FCHO2: variants seen among roughly 807,000 people sequenced by gnomAD.
FCHO2 encodes F-BAR domain only protein 2.
In FCHO2, 43 loss-of-function variants were observed where a neutral mutation model predicts 114.1. The observed-to-expected ratio is 0.38, with a 90% confidence interval of 0.30 to 0.49. FCHO2 has a LOEUF of 0.49. Ranked by LOEUF, FCHO2 falls within the 20% of genes least tolerant of loss-of-function variation. The pLI is 0.97. For missense variants in FCHO2, 807 were observed against 950.4 expected, an observed-to-expected ratio of 0.85 and a Z score of 1.98; for synonymous variants, 293 against 315.2, an observed-to-expected ratio of 0.93 and a Z score of 0.75.
intron 2 of FCHO2, among the ~76,000 whole-genome samples, chr5:72,979,374 A>ATTTTT (rs1753056004): frequency 3.0e-5 from 2 of 66,598 alleles, no homozygotes; most frequent in South Asian, 5.0e-4. Context: ...GAATTTATCA[A>ATTTTT]TTTCTTTTTT....
At chr5:72,967,869 C>T (rs1752287076) in intron 1 of FCHO2, among the ~76,000 whole-genome samples, 2 of 151,768 alleles carry the variant, frequency 1.3e-5, no homozygotes, top group South Asian at 2.1e-4. Flanking sequence ...ATCCGCCTGC[C>T]TCCGCCTCCC....
chr5:73,051,491 TC>T, intron 12 of FCHO2, 85 bp downstream of exon 12: 1 of 747,374 alleles, frequency 1.3e-6, no homozygotes, highest in African/African-American at 1.8e-5. Context: ...TAAAGCCTCT[TC>T]CAATTTTTTA....
At chr5:73,085,131 G>A (rs12153586) in intron 24 of FCHO2, among the ~76,000 whole-genome samples, 45,286 of 151,710 alleles carry the variant, frequency 0.3, 6,973 homozygotes, top group East Asian at 0.44. Flanking sequence ...CAGGTAGATC[G>A]TGAGGTCAAG....
chr5:72,999,549 A>AT (rs749564147), intron 5 of FCHO2, among the ~76,000 whole-genome samples: 4 of 151,884 alleles, frequency 2.6e-5, no homozygotes, highest in Non-Finnish European at 4.4e-5. Context: ...CGCCCAGCTA[A>AT]TTTTTGTATT....
chr5:72,991,073 G>A (rs1753784636), intron 5 of FCHO2, among the ~76,000 whole-genome samples: 1 of 152,118 alleles, frequency 6.6e-6, no homozygotes, highest in Non-Finnish European at 1.5e-5. Flanking sequence ...AAAAAACAAT[G>A]ATTGATTTGA....
chr5:73,055,991 T>C, intron 15 of FCHO2, 74 bp from the exon 16 acceptor site: 1 of 1,016,968 alleles, frequency 9.8e-7, no homozygotes, highest in Non-Finnish European at 1.5e-6. Context: ...GATATGTGTA[T>C]AGAGTTTCTG....
chr5:73,008,191 C>T (rs1187243716), intron 6 of FCHO2, among the ~76,000 whole-genome samples: 1 of 152,136 alleles, frequency 6.6e-6, no homozygotes, highest in African/African-American at 2.4e-5. Flanking sequence ...AACTAGAAGC[C>T]GCCTAAGGGT....
In FCHO2 at chr5:73,087,762, G is replaced by C. The variant is rs1251399027; in HGVS notation, c.2410+9G>C. ...GAAGCGGTTTGCTACTGGTAAGTTA[G>C]GAGATTTCAAACTTTTTAATGTACA... On this transcript the variant is annotated intron_variant, in intron 25 of 25. Coordinates refer to ENST00000430046, the MANE Select transcript of FCHO2 (RefSeq NM_138782.3). 6.4e-7 allele frequency: 1 copy of C among 1,554,280 alleles called. No homozygotes were observed. The highest frequency in any genetic ancestry group is 2.3e-5 in the East Asian group (1 of 44,294).
chr5:73,058,460 G>A lies in FCHO2; in HGVS notation c.1281G>A (p.Trp427Ter). The A allele has an allele frequency of 6.4e-7, 1 of 1,570,678 alleles. No homozygotes were observed. The highest frequency in any genetic ancestry group is 8.6e-7 in the Non-Finnish European group (1 of 1,156,632). Reference protein sequence around the residue: ...NEKGTSDLLAWDPLFGPSLDS... With the variant: ...NEKGTSDLLA ...AAGGAACCAGTGATTTACTTGCTTG[G>A]GACCCCCTATTTGGACCATCTCTTG... Residue 427 changes from tryptophan (W) to a stop codon, truncating the protein, a stop_gained, in exon 17 of 26, where the codon TGG (tryptophan) becomes TGA (stop). Transcript: ENST00000430046. LOFTEE classifies it high-confidence loss of function.
chr5:72,989,862 T>A (rs1309913771), intron 3 of FCHO2, among the ~76,000 whole-genome samples: 1 of 152,086 alleles, frequency 6.6e-6, no homozygotes. Context: ...TCACTTAAGA[T>A]AAACTTTATT....
At chr5:73,043,147 G>T (rs1000563278) in intron 11 of FCHO2, among the ~76,000 whole-genome samples, 2 of 151,900 alleles carry the variant, frequency 1.3e-5, no homozygotes, top group Non-Finnish European at 2.9e-5. Flanking sequence ...GCCCAGGCTG[G>T]TCTTGACCTC....
intron 24 of FCHO2, among the ~76,000 whole-genome samples, chr5:73,084,860 T>G (rs994887851): frequency 6.6e-6 from 1 of 152,200 alleles, no homozygotes; most frequent in Non-Finnish European, 1.5e-5. Context: ...CCAACTGCAT[T>G]GACTTTAACC....
intron 11 of FCHO2, among the ~76,000 whole-genome samples, chr5:73,045,383 A>C (rs952544082): frequency 6.6e-6 from 1 of 152,034 alleles, no homozygotes; most frequent in Non-Finnish European, 1.5e-5. Context: ...GCTTTTTTCC[A>C]CTCAGCACAG....
chr5:73,024,208 T>A (rs1205184134), intron 8 of FCHO2, among the ~76,000 whole-genome samples: 1 of 151,990 alleles, frequency 6.6e-6, no homozygotes, highest in Non-Finnish European at 1.5e-5. Context: ...CACAGGCATA[T>A]GCCAGTACAC....
intron 18 of FCHO2, among the ~76,000 whole-genome samples, chr5:73,064,164 T>A (rs1220918819): frequency 6.6e-6 from 1 of 152,054 alleles, no homozygotes. Flanking sequence ...AGAGATTTCC[T>A]GAGAAAGTTG....
At chr5:73,038,052 C>T (rs1409304030) in intron 10 of FCHO2, 1 of 155,890 alleles carries the variant, frequency 6.4e-6, no homozygotes. Context: ...GAGCCACGCG[C>T]CCGGCCTGAT....
chr5:72,995,699 G>A (rs1181656237), intron 5 of FCHO2, among the ~76,000 whole-genome samples: 1 of 152,122 alleles, frequency 6.6e-6, no homozygotes, highest in African/African-American at 2.4e-5. Context: ...CCTCATATGA[G>A]GGGGCTGAGT....
intron 1 of FCHO2, among the ~76,000 whole-genome samples, chr5:72,965,469 A>G (rs1332634004): frequency 1.3e-5 from 2 of 152,242 alleles, no homozygotes; most frequent in Non-Finnish European, 2.9e-5. Flanking sequence ...GCTTGACACG[A>G]TTGCCACAAA....
In FCHO2 at chr5:73,088,666, A is replaced by T. The variant is rs1743388886; in HGVS notation, c.*576A>T. On this transcript the variant is annotated 3_prime_UTR_variant, in exon 26 of 26. Coordinates refer to ENST00000430046, the MANE Select transcript of FCHO2 (RefSeq NM_138782.3). ...ATTCTCATAAACATATTAATAAAGTATAAGTGATGTTTTATATGATTTTTA... is the reference window on the plus strand; with the variant it reads ...ATTCTCATAAACATATTAATAAAGTTTAAGTGATGTTTTATATGATTTTTA... 6.5e-6 allele frequency: 1 copy of T among 152,712 alleles called. No individual in the cohort carries two copies. Among genetic ancestry groups the T allele is most frequent in the African/African-American group, 2.4e-5 (1 of 41,458 alleles). The allele number at this position is 152,712 out of a possible 1,614,324, so 9.5% of individuals were successfully genotyped here.
Sources: gnomAD v4.1 joint callset for allele counts (sites outside exome capture counted in the v4.1 genomes callset) on GRCh38, gnomAD v4.1.1 for gene constraint, MANE v1.5 for transcripts, NCBI Gene and HGNC (gene_info 2026-07-23, HGNC 2026-07-21) for gene names.